Variants in IFT43 observed in about 807,000 individuals in gnomAD.
IFT43 encodes the protein intraflagellar transport protein 43 homolog.
IFT43 carries 33 observed loss-of-function variants against 32.3 expected under a neutral mutation model. The observed-to-expected ratio is 1.02, with a 90% CI of 0.77 to 1.37. IFT43 has a LOEUF of 1.37. IFT43 is among the 40% of genes most tolerant of loss of function. IFT43 has a pLI of 0.00. For synonymous variants in IFT43, 93 were observed against 98.2 expected (o/e 0.95, Z 0.31); for missense variants, 274 against 265.9 (o/e 1.03, Z -0.21).
At chr14:75,986,051 A>T in intron 1 of IFT43, 1 of 1,515,174 alleles carries the variant, frequency 6.6e-7, no homozygotes, top group South Asian at 1.2e-5. Context: ...TAAAATCCTC[A>T]GAAAGTAGAA....
chr14:76,059,963 A>T (rs925290378), intron 5 of IFT43, among the ~76,000 whole-genome samples: 2 of 152,072 alleles, frequency 1.3e-5, no homozygotes, highest in Non-Finnish European at 2.9e-5. Flanking sequence ...TTGTTTTCCC[A>T]CCAGACCTCT....
At chr14:76,072,238 G>A (rs1452647762) in intron 5 of IFT43, among the ~76,000 whole-genome samples, 1 of 152,158 alleles carries the variant, frequency 6.6e-6, no homozygotes, top group Non-Finnish European at 1.5e-5. Context: ...CTCCAGAGGG[G>A]AGAACCTATT....
At chr14:76,062,938 A>AAAAAAGAGAAAAG (rs1485146040) in intron 5 of IFT43, among the ~76,000 whole-genome samples, 1 of 120,832 alleles carries the variant, frequency 8.3e-6, no homozygotes, top group African/African-American at 3.3e-5. Context: ...AAAAAAAAAA[A>AAAAAAGAGAAAAG]AAAGAAAATA....
At chr14:76,003,928 C>A (rs1276297616) in intron 2 of IFT43, among the ~76,000 whole-genome samples, 1 of 151,790 alleles carries the variant, frequency 6.6e-6, no homozygotes, top group Non-Finnish European at 1.5e-5. Context: ...AGGCGCCCAC[C>A]ACCCACCTGG....
rs79578421 is a variant in IFT43 at position 76,067,603 on chromosome 14, G to T, written c.295+8230G>T. Reference sequence around the variant, plus strand: ...TCAAAAAAAAAAAAAGAGAGAAGGCGCTTTGAAGATTAAGTGTGTTTTCAG... The same window carrying T: ...TCAAAAAAAAAAAAAGAGAGAAGGCTCTTTGAAGATTAAGTGTGTTTTCAG... On this transcript the variant is annotated intron_variant, in intron 5 of 8. Transcript: ENST00000314067. Among the ~76,000 whole-genome samples, 1,513 of 151,850 alleles carry T rather than the reference G, an allele frequency of 1.0e-2. 25 individuals are homozygous for T. Among genetic ancestry groups the T allele is most frequent in the African/African-American group, 0.034 (1,414 of 41,386 alleles).
intron 3 of IFT43, among the ~76,000 whole-genome samples, chr14:76,031,924 A>G (rs2036516250): frequency 6.6e-6 from 1 of 152,176 alleles, no homozygotes; most frequent in Admixed American, 6.5e-5. Flanking sequence ...CTACGCAGTG[A>G]TGACTCCAGA....
intron 3 of IFT43, chr14:76,058,172 T>C (rs537933381): frequency 4.3e-6 from 1 of 233,768 alleles, no homozygotes; most frequent in East Asian, 1.1e-4. Flanking sequence ...TCGTCCTTCG[T>C]GTGAAGGGCA....
At chr14:75,989,040 G>A in intron 2 of IFT43, 63 bp downstream of exon 2, 1 of 1,585,974 alleles carries the variant, frequency 6.3e-7, no homozygotes, top group Non-Finnish European at 8.6e-7. Context: ...ATTCCTTAAT[G>A]ACCAAGGATT....
chr14:76,079,056 C>A (rs556122478), intron 5 of IFT43, among the ~76,000 whole-genome samples: 11 of 152,312 alleles, frequency 7.2e-5, no homozygotes, highest in Admixed American at 4.6e-4. Flanking sequence ...CAGGACATTA[C>A]GTGAAAGCTG....
At chr14:76,077,780 C>T (rs1447376600) in intron 5 of IFT43, among the ~76,000 whole-genome samples, 1 of 152,186 alleles carries the variant, frequency 6.6e-6, no homozygotes, top group Non-Finnish European at 1.5e-5. Flanking sequence ...CAACGTCCCG[C>T]CTTCAGTCTC....
At chr14:76,058,323 CA>C (rs1283213373) in intron 3 of IFT43, 1 of 352,786 alleles carries the variant, frequency 2.8e-6, no homozygotes, top group East Asian at 7.3e-5. Context: ...CTCTATAAAT[CA>C]GTCAGTTAAT....
intron 2 of IFT43, among the ~76,000 whole-genome samples, chr14:75,999,029 C>T (rs1029256040): frequency 1.3e-5 from 2 of 151,874 alleles, no homozygotes; most frequent in Admixed American, 6.6e-5. Flanking sequence ...GCCACTATGC[C>T]TAGTTCCGAC....
At chr14:76,074,166 A>G (rs1056851979) in intron 5 of IFT43, among the ~76,000 whole-genome samples, 3 of 152,180 alleles carry the variant, frequency 2.0e-5, no homozygotes, top group African/African-American at 7.2e-5. Flanking sequence ...ATAGAATCAG[A>G]TATGCCTGGT....
chr14:76,041,559 A>G (rs919361732), intron 3 of IFT43, among the ~76,000 whole-genome samples: 50 of 152,236 alleles, frequency 3.3e-4, no homozygotes, highest in African/African-American at 1.0e-3. Context: ...GTTTTTTAAT[A>G]AAGTCCTTTT....
chr14:76,027,114 G>A (rs1442805687), intron 3 of IFT43, among the ~76,000 whole-genome samples: 1 of 152,016 alleles, frequency 6.6e-6, no homozygotes, highest in Non-Finnish European at 1.5e-5. Context: ...AAAGGATCAG[G>A]AAAAATAACT....
At chr14:76,015,092 C>T (rs2036160077) in intron 2 of IFT43, among the ~76,000 whole-genome samples, 1 of 152,018 alleles carries the variant, frequency 6.6e-6, no homozygotes, top group Admixed American at 6.6e-5. Flanking sequence ...GCCGAGTTCC[C>T]CACATAGGTA....
intron 5 of IFT43, among the ~76,000 whole-genome samples, chr14:76,071,779 T>C (rs1566735328): frequency 6.6e-6 from 1 of 152,244 alleles, no homozygotes; most frequent in Non-Finnish European, 1.5e-5. Flanking sequence ...ATCATGTTTC[T>C]GTTTGACAAC....
At chr14:76,056,035 AT>A (rs1209140364) in intron 3 of IFT43, among the ~76,000 whole-genome samples, 4 of 152,202 alleles carry the variant, frequency 2.6e-5, no homozygotes, top group Non-Finnish European at 5.9e-5. Context: ...AGAAATTTGG[AT>A]TTTTATACAA....
chr14:76,082,066 AG>A (rs2037520381), intron 5 of IFT43, among the ~76,000 whole-genome samples: 1 of 152,222 alleles, frequency 6.6e-6, no homozygotes, highest in East Asian at 1.9e-4. Context: ...TGGATGCTTG[AG>A]CGTGACCCAG....
Sources: allele counts gnomAD v4.1 joint callset (sites outside exome capture counted in the v4.1 genomes callset), GRCh38; gene constraint gnomAD v4.1.1; transcripts MANE v1.5; gene names NCBI Gene and HGNC (gene_info 2026-07-23, HGNC 2026-07-21).